The following FAT4 variants were observed in gnomAD, a reference collection of about 807,000 sequenced individuals.
FAT4 encodes the protein FAT atypical cadherin 4, also known as protocadherin Fat 4.
Under a neutral mutation model 303.9 loss-of-function variants are expected in FAT4, and 84 were observed. That is an observed-to-expected ratio of 0.28 (90% CI 0.23 to 0.33). FAT4 has a LOEUF of 0.33. Ranked by LOEUF, FAT4 falls within the 10% of genes least tolerant of loss-of-function variation. The pLI, the probability that FAT4 is intolerant of heterozygous loss-of-function variation, is 1.00. For missense variants in FAT4, 6,005 were observed against 6,146.8 expected (o/e 0.98, Z 0.77); for synonymous variants, 2,307 against 2,298.8 (o/e 1.00, Z -0.10).
intron 8 of FAT4, among the ~76,000 whole-genome samples, chr4:125,440,339 G>C (rs986080456): frequency 1.3e-5 from 2 of 151,668 alleles, no homozygotes; most frequent in Admixed American, 6.6e-5. Context: ...CCTGTCAGAA[G>C]ACTACTGAAA....
Position 125,450,711 on chromosome 4 carries a change from C to T in FAT4, c.9701C>T (p.Thr3234Ile). ...DSGTNAVIAYTVQSSDSDLFV... is the reference protein window; with the variant it reads ...DSGTNAVIAYIVQSSDSDLFV... ...GGAACAAATGCTGTGATTGCGTATA[C>T]TGTACAGTCATCTGACAGTGACCTC... Residue 3234 changes from threonine to isoleucine, a missense_variant, in exon 10 of 18, where the codon ACT becomes ATT. Physicochemically the swap from Thr to Ile is moderately conservative, Grantham distance 89. Coordinates refer to ENST00000394329, the MANE Select transcript of FAT4 (RefSeq NM_001291303.3). 6.2e-7 allele frequency: 1 copy of T among 1,614,094 alleles called. No homozygotes were observed. The highest frequency in any genetic ancestry group is 1.1e-5 in the South Asian group (1 of 91,072).
In FAT4 at chr4:125,316,479, A is replaced by C; in HGVS notation, c.68A>C (p.Gln23Pro). The C allele has an allele frequency of 6.2e-7, 1 of 1,613,762 alleles. No individual in the cohort carries two copies. The change falls in exon 2 of 18, where the codon CAG (glutamine) becomes CCG (proline). Residue 23 changes from glutamine to proline, a missense_variant. Coordinates refer to ENST00000394329, the MANE Select transcript of FAT4 (RefSeq NM_001291303.3). The surrounding 1 kb of genome is among the most constrained non-coding windows in gnomAD (Gnocchi z 5.7). The stretch of plus-strand genomic sequence containing the variant: ...CCGTTGCACACTCTATCAGTATCTC[A>C]GCTCCTTCGAGTGTTTTGGCTACTG... ...WLPLHTLSVS[Q>P]LLRVFWLLSL...
At chr4:125,368,951 G>T (rs1027292908) in intron 2 of FAT4, among the ~76,000 whole-genome samples, 4 of 152,072 alleles carry the variant, frequency 2.6e-5, no homozygotes, top group Admixed American at 1.3e-4. Context: ...TTTCACTTTG[G>T]AGAACTGACA....
chr4:125,411,246 A>G (rs1005842327), intron 5 of FAT4, among the ~76,000 whole-genome samples: 1 of 152,038 alleles, frequency 6.6e-6, no homozygotes, highest in Admixed American at 6.6e-5. Context: ...TGATGATTTC[A>G]TAAACATAAA....
intron 2 of FAT4, among the ~76,000 whole-genome samples, chr4:125,385,409 G>A (rs1322715963): frequency 6.6e-6 from 1 of 152,098 alleles, no homozygotes; most frequent in Non-Finnish European, 1.5e-5. Flanking sequence ...TTAAAAGCAT[G>A]TTTCAATGAT....
chr4:125,403,185 G>A (rs1734453432), intron 3 of FAT4, among the ~76,000 whole-genome samples: 1 of 151,996 alleles, frequency 6.6e-6, no homozygotes, highest in Non-Finnish European at 1.5e-5. Flanking sequence ...TAAAATATAT[G>A]TTCACTAAAT....
chr4:125,438,042 GATA>G (rs1406353563), intron 8 of FAT4, among the ~76,000 whole-genome samples: 1 of 152,144 alleles, frequency 6.6e-6, no homozygotes, highest in Non-Finnish European at 1.5e-5. Context: ...ATAAGTTTCT[GATA>G]ATGATTTTGG....
At chr4:125,362,717 A>C (rs927136668) in intron 2 of FAT4, 2 of 152,156 alleles carry the variant, frequency 1.3e-5, no homozygotes, top group Admixed American at 1.3e-4. Flanking sequence ...GAACTTTGTC[A>C]AGTAAGAGAA....
At chr4:125,418,332 T>G (rs1216831269) in intron 7 of FAT4, among the ~76,000 whole-genome samples, 1 of 152,154 alleles carries the variant, frequency 6.6e-6, no homozygotes, top group Non-Finnish European at 1.5e-5. Flanking sequence ...TGGCACAGAT[T>G]GCAGTGGCAG....
intron 12 of FAT4, among the ~76,000 whole-genome samples, chr4:125,470,049 G>A (rs990716639): frequency 3.9e-5 from 6 of 152,220 alleles, no homozygotes; most frequent in Admixed American, 3.9e-4. Flanking sequence ...GTGTTAGCAA[G>A]CATGAAAACA....
intron 9 of FAT4, among the ~76,000 whole-genome samples, chr4:125,447,188 G>T (rs1725855628): frequency 6.6e-6 from 1 of 152,008 alleles, no homozygotes; most frequent in East Asian, 1.9e-4. Context: ...GCTAAGAAAG[G>T]CATACTCTAA....
intron 2 of FAT4, among the ~76,000 whole-genome samples, chr4:125,369,331 C>A (rs1407238050): frequency 6.6e-6 from 1 of 152,122 alleles, no homozygotes; most frequent in South Asian, 2.1e-4. Context: ...ACTCAGGAGG[C>A]TGAGGCAGGA....
intron 2 of FAT4, among the ~76,000 whole-genome samples, chr4:125,347,278 A>T (rs1732041447): frequency 6.6e-6 from 1 of 151,042 alleles, no homozygotes; most frequent in African/African-American, 2.4e-5. Flanking sequence ...CATATTTTAT[A>T]TACAGAAACA....
chr4:125,407,368 T>C (rs1176557525), intron 4 of FAT4, among the ~76,000 whole-genome samples: 1 of 152,152 alleles, frequency 6.6e-6, no homozygotes, highest in Non-Finnish European at 1.5e-5. Context: ...TTTATGTGTC[T>C]GAAAGTATTT....
rs551720779 is a variant in FAT4 at position 125,403,159 on chromosome 4, G to T, written c.5308-3721G>T. Among the ~76,000 whole-genome samples, 3 of 151,988 alleles carry T rather than the reference G, an allele frequency of 2.0e-5. No individual in the cohort carries two copies. The South Asian group carries it at 6.3e-4, about 32-fold the overall frequency. On this transcript the variant is annotated intron_variant, in intron 3 of 17. Transcript: ENST00000394329. ...TTTCCTGTGCTTACTATCTGTCAAGGGTTGTTCTAGGTTTTTAAAATATAT... is the reference window on the plus strand; with the variant it reads ...TTTCCTGTGCTTACTATCTGTCAAGTGTTGTTCTAGGTTTTTAAAATATAT...
intron 10 of FAT4, among the ~76,000 whole-genome samples, chr4:125,454,847 C>A (rs1245066202): frequency 6.6e-6 from 1 of 152,094 alleles, no homozygotes; most frequent in Admixed American, 6.6e-5. Flanking sequence ...AACAAACAAA[C>A]AAAACCCACG....
In FAT4 at chr4:125,491,339, T is replaced by C; in HGVS notation, c.14523T>C (p.Ser4841=). The part of the protein sequence containing the change: ...PADGIPAPES[S]SDSDSHESFT... ...ATGGCATTCCAGCTCCAGAATCCTC[T>C]TCTGATAGTGACTCCCATGAATCTT... Residue 4841 remains serine, a synonymous_variant, in exon 18 of 18, where the codon TCT becomes TCC. Coordinates refer to ENST00000394329, the MANE Select transcript of FAT4 (RefSeq NM_001291303.3). The C allele has an allele frequency of 1.5e-5, 24 of 1,614,198 alleles. No homozygotes were observed. Among genetic ancestry groups the C allele is most frequent in the Non-Finnish European group, 2.0e-5 (24 of 1,180,026 alleles).
rs75519817 is a variant in FAT4, at chr4:125,486,262, GT to G, written c.12823-1071del. On this transcript the variant is annotated intron_variant, in intron 16 of 17. Transcript: ENST00000394329. ...TATTGTCATTTAGCTAGAATTTTCTGTTTTTTTTTTTTAGTTTGGTACTGAA... is the reference window on the plus strand; with the variant it reads ...TATTGTCATTTAGCTAGAATTTTCTGTTTTTTTTTTTAGTTTGGTACTGAA... 6.1e-3 allele frequency among the ~76,000 whole-genome samples: 818 copies of G among 133,374 alleles called. 3 individuals are homozygous for G. The highest frequency in any genetic ancestry group is 7.2e-3 in the Non-Finnish European group (442 of 61,424). 87.5% of individuals were successfully genotyped at this position (133,374 alleles called of 152,430 possible). A position where few individuals can be genotyped will look rare whatever the true frequency, so the allele number is the denominator to read the frequency against.
intron 14 of FAT4, among the ~76,000 whole-genome samples, chr4:125,478,372 G>A (rs1010168448): frequency 7.2e-5 from 11 of 151,986 alleles, no homozygotes; most frequent in African/African-American, 2.4e-4. Context: ...ATATCTCCGT[G>A]TTCACACAAG....
Sources: allele counts gnomAD v4.1 joint callset (sites outside exome capture counted in the v4.1 genomes callset), GRCh38; gene constraint gnomAD v4.1.1; non-coding constraint Gnocchi (gnomAD v3.1); transcripts MANE v1.5; gene names NCBI Gene and HGNC (gene_info 2026-07-23, HGNC 2026-07-21).